Variants in INSL6 observed in about 807,000 individuals in gnomAD.
INSL6 encodes the protein insulin-like peptide INSL6.
In INSL6, 16 loss-of-function variants were observed where a neutral mutation model predicts 9.4. The observed-to-expected ratio is 1.70, with a 90% confidence interval of 1.15 to 2.59. The LOEUF is 2.59. Ranked by LOEUF, INSL6 falls within the 30% of genes most tolerant of loss-of-function variation. The pLI is 0.00. For missense variants in INSL6, 391 were observed against 257.3 expected, an observed-to-expected ratio of 1.52 and a Z score of -3.56; for synonymous variants, 154 against 96.9, an observed-to-expected ratio of 1.59 and a Z score of -3.46.
chr9:5,059,088 G>T, the INSL6 span, among the ~76,000 whole-genome samples: 1 of 152,072 alleles, frequency 6.6e-6, no homozygotes, highest in Non-Finnish European at 1.5e-5. Context: ...GATATAACAT[G>T]AACCCAGTAA....
the INSL6 span, among the ~76,000 whole-genome samples, chr9:5,092,799 T>C: frequency 1.3e-5 from 2 of 152,200 alleles, no homozygotes; most frequent in Non-Finnish European, 2.9e-5. Context: ...TCAAGCCTGC[T>C]GATAGCTGGT....
chr9:5,028,229 C>T, the INSL6 span, among the ~76,000 whole-genome samples: 1 of 152,156 alleles, frequency 6.6e-6, no homozygotes, highest in African/African-American at 2.4e-5. Flanking sequence ...ACATGAAATT[C>T]AATGTACATC....
At chr9:5,111,257 C>G in the INSL6 span, 2 of 510,440 alleles carry the variant, frequency 3.9e-6, no homozygotes, top group South Asian at 3.4e-5. Flanking sequence ...GAGACGCAGG[C>G]GTGCGCAGCC....
chr9:5,170,877 C>T (rs1322136067), intron 1 of INSL6, among the ~76,000 whole-genome samples: 1 of 152,110 alleles, frequency 6.6e-6, no homozygotes, highest in East Asian at 1.9e-4. Flanking sequence ...AAGCCCAGGA[C>T]CAGATGGATT....
At chr9:5,043,047 C>A in the INSL6 span, among the ~76,000 whole-genome samples, 1 of 152,184 alleles carries the variant, frequency 6.6e-6, no homozygotes, top group Non-Finnish European at 1.5e-5. Flanking sequence ...TGGAGGCGCG[C>A]GGGCTCGTGG....
At chr9:5,072,659 T>C in the INSL6 span, 3 of 1,509,446 alleles carry the variant, frequency 2.0e-6, no homozygotes, top group Non-Finnish European at 2.7e-6. Context: ...TCATGTAGTT[T>C]ATGCTGTTTA....
At chr9:5,149,597 C>T (rs191055968) in intron 2 of INSL6, among the ~76,000 whole-genome samples, 1 of 152,188 alleles carries the variant, frequency 6.6e-6, no homozygotes, top group African/African-American at 2.4e-5. Flanking sequence ...ATAGATGACA[C>T]AAACAAATGG....
intron 1 of INSL6, among the ~76,000 whole-genome samples, chr9:5,166,880 T>C (rs900269707): frequency 4.6e-5 from 7 of 152,212 alleles, no homozygotes; most frequent in African/African-American, 1.7e-4. Flanking sequence ...TTTCAAATGT[T>C]GATTTCAAAC....
chr9:5,112,766 C>A, the INSL6 span: 2 of 621,082 alleles, frequency 3.2e-6, no homozygotes, highest in Non-Finnish European at 2.5e-6. Context: ...GAAGGTGTCG[C>A]GCGTGTTCGG....
chr9:5,122,932 A>G (rs10815163), downstream of INSL6: 242,622 of 907,234 alleles, frequency 0.27, 40,223 homozygotes, highest in African/African-American at 0.72. Flanking sequence ...AATTTATACA[A>G]TGATTTGCAG....
At chr9:5,156,658 G>A (rs560893529) in intron 2 of INSL6, among the ~76,000 whole-genome samples, 21 of 152,062 alleles carry the variant, frequency 1.4e-4, no homozygotes, top group Non-Finnish European at 2.9e-4. Context: ...AGTTAATGTT[G>A]CACTGGAAGT....
chr9:5,041,388 G>C, the INSL6 span: 3 of 629,042 alleles, frequency 4.8e-6, no homozygotes, highest in Non-Finnish European at 6.0e-6. Context: ...AAGGAGCAGA[G>C]CCACTGCAAC....
intron 3 of INSL6, among the ~76,000 whole-genome samples, chr9:5,130,890 G>A (rs1213290229): frequency 4.0e-5 from 6 of 150,236 alleles, no homozygotes; most frequent in South Asian, 2.1e-4. Flanking sequence ...CACTACACCC[G>A]GCTAATTTTT....
intron 3 of INSL6, among the ~76,000 whole-genome samples, chr9:5,131,051 A>C (rs1175910751): frequency 6.6e-6 from 1 of 152,186 alleles, no homozygotes; most frequent in Admixed American, 6.5e-5. Flanking sequence ...TTCTAAGAGC[A>C]TGTAGTATAA....
At chr9:5,171,076 A>G (rs527385848) in intron 1 of INSL6, among the ~76,000 whole-genome samples, 1 of 152,330 alleles carries the variant, frequency 6.6e-6, no homozygotes, top group African/African-American at 2.4e-5. Context: ...ACACCAATGT[A>G]AAAATCCTCA....
At chr9:5,103,500 T>C in the INSL6 span, among the ~76,000 whole-genome samples, 1 of 151,982 alleles carries the variant, frequency 6.6e-6, no homozygotes, top group Admixed American at 6.5e-5. Context: ...CTGTCAATAA[T>C]AGACAGATCA....
chr9:4,995,510 A>G, the INSL6 span, among the ~76,000 whole-genome samples: 2 of 152,192 alleles, frequency 1.3e-5, no homozygotes, highest in Non-Finnish European at 2.9e-5. Context: ...TTGTCAGATA[A>G]TCCTTCTTTT....
chr9:5,086,224 C>G, the INSL6 span: 3 of 609,368 alleles, frequency 4.9e-6, no homozygotes, highest in Non-Finnish European at 6.3e-6. Context: ...AGGCCACGGT[C>G]GGAGTCTGAA....
chr9:5,164,982 C>A (rs1461797786), intron 1 of INSL6, among the ~76,000 whole-genome samples: 4 of 152,132 alleles, frequency 2.6e-5, no homozygotes, highest in East Asian at 1.9e-4. Context: ...CCGAGGCGGG[C>A]GGATCACTTG....
Sources: gnomAD v4.1 joint callset for allele counts (sites outside exome capture counted in the v4.1 genomes callset) on GRCh38, gnomAD v4.1.1 for gene constraint, MANE v1.5 for transcripts, NCBI Gene and HGNC (gene_info 2026-07-23, HGNC 2026-07-21) for gene names.